NSUN2: variants seen among roughly 807,000 people sequenced by gnomAD.
NSUN2 encodes NOP2/Sun RNA methyltransferase 2, also known as RNA cytosine C(5)-methyltransferase NSUN2.
NSUN2 carries 63 observed loss-of-function variants against 92.7 expected under a neutral mutation model. The observed-to-expected ratio is 0.68, with a 90% CI of 0.56 to 0.84. The LOEUF (loss-of-function observed/expected upper bound fraction) is 0.84. Ranked by LOEUF, NSUN2 falls within the 40% of genes least tolerant of loss-of-function variation. The pLI is 0.00. For synonymous variants in NSUN2, 356 were observed against 348.3 expected, an observed-to-expected ratio of 1.02 and a Z score of -0.25; for missense variants, 989 against 964.9, an observed-to-expected ratio of 1.02 and a Z score of -0.33.
intron 18 of NSUN2, 43 bp downstream of exon 18, chr5:6,602,418 G>A (rs762192633): frequency 5.0e-6 from 8 of 1,590,902 alleles, no homozygotes; most frequent in Admixed American, 1.7e-5. Flanking sequence ...TGTAGCTAAT[G>A]ACAAGGCGTG....
intron 9 of NSUN2, among the ~76,000 whole-genome samples, chr5:6,614,009 A>G (rs1560977518): frequency 1.3e-5 from 2 of 150,796 alleles, no homozygotes; most frequent in African/African-American, 2.4e-5. Flanking sequence ...AGGCAGGAGA[A>G]TCACTTAACC....
chr5:6,621,829 T>A (rs943431651), intron 6 of NSUN2, 187 bp downstream of exon 6: 5 of 561,156 alleles, frequency 8.9e-6, no homozygotes, highest in African/African-American at 1.9e-5. Context: ...GGTATGAGTG[T>A]GTTTGTTTGA....
chr5:6,611,821 T>A, intron 9 of NSUN2, 23 bp from the exon 10 acceptor site: 1 of 1,610,400 alleles, frequency 6.2e-7, no homozygotes, highest in East Asian at 2.2e-5. Flanking sequence ...AGCATGGACG[T>A]CTTTTGTTTT....
chr5:6,618,110 C>T (rs1229609830), intron 7 of NSUN2, 86 bp from the exon 8 acceptor site: 6 of 834,000 alleles, frequency 7.2e-6, no homozygotes, highest in Admixed American at 4.3e-5. Flanking sequence ...AGCTAAGTTA[C>T]AAAACAAGTG....
chr5:6,616,788 C>T lies in NSUN2; in HGVS notation c.960G>A (p.Thr320=), dbSNP rs1478904845. Residue 320 remains threonine (T), a synonymous_variant, in exon 9 of 19, where the codon ACG becomes ACA. Transcript: ENST00000264670. ...LAEGGRMVYS[T]CSLNPIEDEA... Reference sequence around the variant, plus strand: ...CATCCTCAATAGGGTTTAGTGAACACGTGGAATACACCATCCTTCCACCTT... The same window carrying T: ...CATCCTCAATAGGGTTTAGTGAACATGTGGAATACACCATCCTTCCACCTT... 3 of 1,589,774 alleles carry T rather than the reference C, an allele frequency of 1.9e-6. No homozygotes were observed. Among genetic ancestry groups the T allele is most frequent in the East Asian group, 2.3e-5 (1 of 44,020 alleles).
intron 15 of NSUN2, chr5:6,604,894 C>T: frequency 1.6e-6 from 1 of 608,422 alleles, no homozygotes. Flanking sequence ...AAAGAAGGGC[C>T]CCCAAATGGC....
At chr5:6,611,448 T>TAAAAAAAAAAA (rs760872450) in intron 10 of NSUN2, among the ~76,000 whole-genome samples, 1,979 of 85,454 alleles carry the variant, frequency 0.023, 102 homozygotes, top group African/African-American at 0.053. Flanking sequence ...CGGCCCAATT[T>TAAAAAAAAAAA]AAAAAAAAAA....
Position 6,604,220 on chromosome 5 carries a change from T to C in NSUN2, c.1875A>G (p.Glu625=). 1 of 1,607,890 alleles carries C rather than the reference T, an allele frequency of 6.2e-7. No individual in the cohort carries two copies. The highest frequency in any genetic ancestry group is 8.5e-7 in the Non-Finnish European group (1 of 1,174,366). Reference sequence around the variant, plus strand: ...CCTGGGTCAACAGTATCTTAACATCTTCCATTGATACAGTAATAATTCTTG... The same window carrying C: ...CCTGGGTCAACAGTATCTTAACATCCTCCATTGATACAGTAATAATTCTTG... ...INSRIITVSM[E]DVKILLTQEN... is the part of the protein sequence containing the mutation. Residue 625 remains glutamate, a synonymous_variant, in exon 17 of 19, where the codon GAA becomes GAG. Coordinates refer to ENST00000264670, the MANE Select transcript of NSUN2 (RefSeq NM_017755.6).
chr5:6,617,664 C>T (rs1363989379), intron 8 of NSUN2, among the ~76,000 whole-genome samples: 1 of 152,156 alleles, frequency 6.6e-6, no homozygotes, highest in African/African-American at 2.4e-5. Flanking sequence ...ATGCATACAT[C>T]AAGAGGTAAA....
chr5:6,617,096 C>G (rs923187001), intron 8 of NSUN2, among the ~76,000 whole-genome samples: 2 of 152,126 alleles, frequency 1.3e-5, no homozygotes, highest in African/African-American at 2.4e-5. Flanking sequence ...AATATGTCAA[C>G]CAGCAGAGTA....
chr5:6,629,591 C>T (rs764054224), intron 3 of NSUN2, among the ~76,000 whole-genome samples: 2 of 152,150 alleles, frequency 1.3e-5, no homozygotes, highest in Non-Finnish European at 2.9e-5. Context: ...TGAAGCAGCA[C>T]ATACATGCAT....
At chr5:6,627,827 A>G (rs775773830) in intron 3 of NSUN2, among the ~76,000 whole-genome samples, 1 of 152,220 alleles carries the variant, frequency 6.6e-6, no homozygotes, top group Non-Finnish European at 1.5e-5. Flanking sequence ...AATGTTTATT[A>G]AATCTTTGTA....
At chr5:6,616,013 T>C (rs555345353) in intron 9 of NSUN2, among the ~76,000 whole-genome samples, 6 of 152,288 alleles carry the variant, frequency 3.9e-5, no homozygotes, top group Admixed American at 1.3e-4. Context: ...CCTGAATGTG[T>C]AGAGAAATTG....
At chr5:6,619,938 A>G (rs1737367185) in intron 7 of NSUN2, among the ~76,000 whole-genome samples, 168 bp downstream of exon 7, 1 of 152,130 alleles carries the variant, frequency 6.6e-6, no homozygotes, top group Non-Finnish European at 1.5e-5. Context: ...GCTGCTTCTC[A>G]TTAAGACGTA....
In NSUN2 at chr5:6,609,707, T is replaced by C. The variant is rs1282852677; in HGVS notation, c.1323+119A>G. On this transcript the variant is annotated intron_variant, in intron 12 of 18. Coordinates refer to ENST00000264670, the MANE Select transcript of NSUN2 (RefSeq NM_017755.6). The stretch of plus-strand genomic sequence containing the variant: ...ATTCCCCCTCATTCAGGGTCAGCTC[T>C]CCTGCTGCCCACAGCAAGAAGCTCC... 13 of 758,142 alleles carry C rather than the reference T, an allele frequency of 1.7e-5. No individual in the cohort carries two copies. The East Asian group carries it at 3.3e-4, about 19-fold the overall frequency. 47.0% of individuals were successfully genotyped at this position (758,142 alleles called of 1,614,324 possible). A position where few individuals can be genotyped will look rare whatever the true frequency, so the allele number is the denominator to read the frequency against.
Position 6,632,903 on chromosome 5 carries a change from C to G in NSUN2, c.77G>C (p.Gly26Ala). Residue 26 changes from glycine to alanine, a missense_variant, in exon 1 of 19, where the codon GGT becomes GCT. Physicochemically the swap from Gly to Ala is moderately conservative, Grantham distance 60. Around this residue, in one of 3 missense-constraint regions of NSUN2, gnomAD observed 356 missense variants for 338.6 expected, o/e 1.05. Coordinates refer to ENST00000264670, the MANE Select transcript of NSUN2 (RefSeq NM_017755.6). ...TCCTACCGCCTCGCCGCGCTTTCCA[C>G]CACCCTCGGCGCCATCCTCCGCGTC... ...PEDAEDGAEG[G>A]GKRGEAGWEG... is the part of the protein sequence containing the mutation. 6.5e-7 allele frequency: 1 copy of G among 1,528,444 alleles called. No homozygotes were observed. Among genetic ancestry groups the G allele is most frequent in the Non-Finnish European group, 8.7e-7 (1 of 1,143,524 alleles). 94.7% of individuals were successfully genotyped at this position (1,528,444 alleles called of 1,614,324 possible).
chr5:6,632,030 T>C (rs114793623), intron 2 of NSUN2, 53 bp from the exon 3 acceptor site: 24,693 of 1,349,382 alleles, frequency 0.018, 296 homozygotes, highest in Non-Finnish European at 0.022. Context: ...AGTTAATACA[T>C]TGTATCTTCT....
Position 6,599,929 on chromosome 5 carries a change from C to A in NSUN2, c.2301G>T (p.Arg767=), listed in dbSNP as rs1270545317. The stretch of plus-strand genomic sequence containing the variant: ...GCCCCCGCTGCCTTGGGCCTGCTCA[C>A]CGGGGTGGATGGACCCCCGCCGGGT... The part of the protein sequence containing the change: ...GCDPAGVHPP[R] The change falls in exon 19 of 19, where the codon CGG becomes CGT. Residue 767 remains arginine (R), a synonymous_variant. Transcript: ENST00000264670. The A allele has an allele frequency of 1.2e-6, 2 of 1,612,144 alleles. No homozygotes were observed. Among genetic ancestry groups the A allele is most frequent in the Non-Finnish European group, 1.7e-6 (2 of 1,179,674 alleles).
chr5:6,612,130 A>T (rs3733775), intron 9 of NSUN2, among the ~76,000 whole-genome samples: 1 of 151,980 alleles, frequency 6.6e-6, no homozygotes, highest in Non-Finnish European at 1.5e-5. Context: ...ATGAGCAAAC[A>T]TTAACAATAT....
Sources: allele counts gnomAD v4.1 joint callset (sites outside exome capture counted in the v4.1 genomes callset), GRCh38; gene constraint gnomAD v4.1.1; regional missense constraint gnomAD v4.1.1; transcripts MANE v1.5; gene names NCBI Gene and HGNC (gene_info 2026-07-23, HGNC 2026-07-21).